DRC1: variants seen among roughly 807,000 people sequenced by gnomAD.
The protein encoded by DRC1 is dynein regulatory complex protein 1.
A neutral mutation model predicts 98.7 loss-of-function variants in DRC1; 74 were observed. That is an observed-to-expected ratio of 0.75 (90% confidence interval 0.62 to 0.91). The LOEUF is 0.91. Among genes scored for constraint, DRC1 ranks in the 40% least tolerant of loss-of-function variants. The probability of loss-of-function intolerance (pLI) is 0.00; values close to 1 mark genes in which losing one functional copy is unlikely to be tolerated. For missense variants in DRC1, 875 were observed against 886.0 expected (o/e 0.99, Z 0.16); for synonymous variants, 336 against 334.1 (o/e 1.01, Z -0.06).
In DRC1 at chr2:26,423,362, A is replaced by G. The variant is rs537287665; in HGVS notation, c.357-909A>G. The stretch of plus-strand genomic sequence containing the variant: ...GTGGGGGATGGGACAGGAAGAGGGG[A>G]TTGCAGGATGTTTAAGCTGTGACTT... On this transcript the variant is annotated intron_variant, in intron 3 of 16. Coordinates refer to ENST00000288710, the MANE Select transcript of DRC1 (RefSeq NM_145038.5). Among the ~76,000 whole-genome samples the G allele has an allele frequency of 1.1e-4, 17 of 152,192 alleles. No homozygotes were observed. The East Asian group carries it at 2.7e-3, about 24-fold the overall frequency.
chr2:26,455,883 G>A (rs914615543), intron 16 of DRC1, among the ~76,000 whole-genome samples: 2 of 152,236 alleles, frequency 1.3e-5, no homozygotes, highest in Non-Finnish European at 2.9e-5. Context: ...GCGGGTGTGG[G>A]CACCTGCAGC....
At chr2:26,439,755 A>AT (rs1333810442) in intron 7 of DRC1, among the ~76,000 whole-genome samples, 1 of 151,318 alleles carries the variant, frequency 6.6e-6, no homozygotes, top group Non-Finnish European at 1.5e-5. Flanking sequence ...AGGTACACAG[A>AT]TTTTAGCTTA....
rs1161767811 is a variant in DRC1 at position 26,402,836 on chromosome 2, C to T, written c.155+692C>T. On this transcript the variant is annotated intron_variant, in intron 1 of 16. Transcript: ENST00000288710. ...ACCAAGCCCTGCAGTGTGTTTCCAT[C>T]ACTCGCTCACCCTGGCTGATTGCTG... is the stretch of plus-strand genomic sequence containing the variant. 3.3e-5 allele frequency among the ~76,000 whole-genome samples: 5 copies of T among 152,230 alleles called. No homozygotes were observed. In the East Asian group the frequency reaches 9.6e-4, roughly 29 times the overall value.
chr2:26,448,723 C>G lies in DRC1; in HGVS notation c.1429C>G (p.Pro477Ala). The G allele has an allele frequency of 6.2e-7, 1 of 1,614,232 alleles. No individual in the cohort carries two copies. Among genetic ancestry groups the G allele is most frequent in the Non-Finnish European group, 8.5e-7 (1 of 1,180,054 alleles). The change falls in exon 11 of 17, where the codon CCA becomes GCA. Residue 477 changes from proline to alanine, a missense_variant. Coordinates refer to ENST00000288710, the MANE Select transcript of DRC1 (RefSeq NM_145038.5). ...EEEAEEAAAE[P>A]ESYLDLPKQI... is the part of the protein sequence containing the mutation. The stretch of plus-strand genomic sequence containing the variant: ...GGAGGCAGAAGAGGCCGCCGCGGAA[C>G]CAGAGTCCTACCTGGATTTGCCGAA...
chr2:26,418,709 T>TTATATAATATATAAATTATATTTAATTTA (rs1558438389), intron 2 of DRC1, among the ~76,000 whole-genome samples: 2 of 111,788 alleles, frequency 1.8e-5, no homozygotes, highest in Non-Finnish European at 3.4e-5. Flanking sequence ...TATATTTAAT[T>TTATATAATATATAAATTATATTTAATTTA]TATATAATAT....
intron 10 of DRC1, among the ~76,000 whole-genome samples, chr2:26,445,783 C>G (rs149819077): frequency 0.048 from 7,278 of 152,110 alleles, 233 homozygotes; most frequent in Non-Finnish European, 0.07. Flanking sequence ...CTCAGCCTCC[C>G]GAGGAGCTGG....
chr2:26,409,013 A>G (rs1678512480), intron 1 of DRC1, among the ~76,000 whole-genome samples: 1 of 151,908 alleles, frequency 6.6e-6, no homozygotes, highest in African/African-American at 2.4e-5. Flanking sequence ...GCTTAGTATA[A>G]CCTTGAATCC....
chr2:26,424,637 C>T (rs1325080517), intron 4 of DRC1, among the ~76,000 whole-genome samples, 183 bp downstream of exon 4: 1 of 152,126 alleles, frequency 6.6e-6, no homozygotes, highest in African/African-American at 2.4e-5. Context: ...ATTAAATTTG[C>T]CATCATAACC....
chr2:26,449,718 G>T (rs1663949470), intron 11 of DRC1, among the ~76,000 whole-genome samples: 1 of 152,252 alleles, frequency 6.6e-6, no homozygotes. Context: ...TGGCTTGTGG[G>T]TGAGGTGGGT....
chr2:26,440,550 G>A, intron 8 of DRC1, 33 bp downstream of exon 8: 1 of 1,597,174 alleles, frequency 6.3e-7, no homozygotes, highest in Non-Finnish European at 8.5e-7. Flanking sequence ...TTTCTTCTGG[G>A]CCTTCTGTGC....
At chr2:26,416,507 G>A (rs1021037526) in intron 2 of DRC1, among the ~76,000 whole-genome samples, 3 of 152,140 alleles carry the variant, frequency 2.0e-5, no homozygotes, top group Non-Finnish European at 4.4e-5. Flanking sequence ...TATTTATGAA[G>A]ATAGTCTTCT....
chr2:26,431,033 T>A (rs375117368), intron 6 of DRC1, among the ~76,000 whole-genome samples, 161 bp downstream of exon 6: 144 of 144,762 alleles, frequency 9.9e-4, no homozygotes, highest in African/African-American at 3.5e-3. Context: ...CAATCTCGGC[T>A]CACTGCAACC....
At chr2:26,406,627 C>T (rs1678436248) in intron 1 of DRC1, among the ~76,000 whole-genome samples, 1 of 152,026 alleles carries the variant, frequency 6.6e-6, no homozygotes, top group South Asian at 2.1e-4. Flanking sequence ...ATGAGAATTG[C>T]TTGAACACCG....
chr2:26,440,480 A>C lies in DRC1; in HGVS notation c.991A>C (p.Thr331Pro). Residue 331 changes from threonine to proline, a missense_variant, in exon 8 of 17, where the codon ACA becomes CCA. Physicochemically the swap from Thr to Pro is conservative, Grantham distance 38. Transcript: ENST00000288710. ...GCTGAAGAAGAGAGATGAAGAAAGC[A>C]CAGTAATTAAATCCCAGCAGAAGAG... ...QVLKKRDEESTVIKSQQKRKI... is the reference protein window; with the variant it reads ...QVLKKRDEESPVIKSQQKRKI... The C allele has an allele frequency of 6.2e-7, 1 of 1,613,386 alleles. No individual in the cohort carries two copies. The highest frequency in any genetic ancestry group is 1.3e-5 in the African/African-American group (1 of 75,014).
rs1664105073 is a variant in DRC1 at position 26,454,992 on chromosome 2, C to T, written c.2064-139C>T. The T allele has an allele frequency of 7.5e-7, 1 of 1,333,930 alleles. No individual in the cohort carries two copies. The highest frequency in any genetic ancestry group is 1.2e-5 in the South Asian group (1 of 81,068). The allele number at this position is 1,333,930 out of a possible 1,614,324, so 82.6% of individuals were successfully genotyped here. A position where few individuals can be genotyped will look rare whatever the true frequency, so the allele number is the denominator to read the frequency against. On this transcript the variant is annotated intron_variant, in intron 15 of 16. Coordinates refer to ENST00000288710, the MANE Select transcript of DRC1 (RefSeq NM_145038.5). This position sits in a 1 kb window ranked among gnomAD's most constrained non-coding sequence, Gnocchi z 5.2. ...CTGTTCTGTTCCTGCTAACCTGGCTCACCTGGCGGCTGGGTGAAGAGTGTA... is the reference window on the plus strand; with the variant it reads ...CTGTTCTGTTCCTGCTAACCTGGCTTACCTGGCGGCTGGGTGAAGAGTGTA...
At chr2:26,415,170 G>A (rs934159705) in intron 2 of DRC1, among the ~76,000 whole-genome samples, 2 of 152,124 alleles carry the variant, frequency 1.3e-5, no homozygotes, top group African/African-American at 4.8e-5. Flanking sequence ...GAAAATCATT[G>A]ATTACCCTCC....
At chr2:26,412,078 C>A (rs753058587) in intron 1 of DRC1, among the ~76,000 whole-genome samples, 10 of 151,940 alleles carry the variant, frequency 6.6e-5, no homozygotes, top group Non-Finnish European at 1.0e-4. Flanking sequence ...AATAGGGAAG[C>A]CAATGAAATG....
intron 4 of DRC1, among the ~76,000 whole-genome samples, chr2:26,428,118 A>G (rs747118704): frequency 5.3e-5 from 8 of 152,344 alleles, no homozygotes; most frequent in Admixed American, 6.5e-5. Flanking sequence ...TTTTCTGCAT[A>G]TAAGATCATG....
chr2:26,444,672 G>T (rs1242375887), intron 9 of DRC1, 44 bp from the exon 10 acceptor site: 1 of 1,581,304 alleles, frequency 6.3e-7, no homozygotes, highest in Non-Finnish European at 8.7e-7. Flanking sequence ...ACCCTGGCCA[G>T]GTCCTGGGGC....
Sources: allele counts gnomAD v4.1 joint callset (sites outside exome capture counted in the v4.1 genomes callset), GRCh38; gene constraint gnomAD v4.1.1; non-coding constraint Gnocchi (gnomAD v3.1); transcripts MANE v1.5; gene names NCBI Gene and HGNC (gene_info 2026-07-23, HGNC 2026-07-21).